The following OR2J2 variants were observed in gnomAD, a reference collection of about 807,000 sequenced individuals.
The protein encoded by OR2J2 is olfactory receptor family 2 subfamily J member 2.
A neutral mutation model predicts 16.9 loss-of-function variants in OR2J2; 13 were observed. The observed-to-expected ratio is 0.77, with a 90% CI of 0.50 to 1.23. OR2J2 has a LOEUF of 1.23. Ranked by LOEUF, OR2J2 falls within the 50% of genes most tolerant of loss-of-function variation. The probability of loss-of-function intolerance (pLI) is 0.00; values close to 1 mark genes in which losing one functional copy is unlikely to be tolerated. For synonymous variants in OR2J2, 125 were observed against 141.2 expected, an observed-to-expected ratio of 0.89 and a Z score of 0.81; for missense variants, 341 against 379.1, an observed-to-expected ratio of 0.90 and a Z score of 0.84.
In OR2J2 at chr6:29,174,054, G is replaced by C; in HGVS notation, c.419G>C (p.Arg140Pro). The change falls in exon 2 of 2, where the codon CGT (arginine) becomes CCT (proline). Residue 140 changes from arginine (R) to proline (P), a missense_variant. Transcript: ENST00000641417. ...PLHYTVLMHPRFCHLLVAASW... is the reference protein window; with the variant it reads ...PLHYTVLMHPPFCHLLVAASW... ...CATTACACTGTCCTCATGCACCCTCGTTTCTGCCACTTGTTGGTTGCGGCT... is the reference window on the plus strand; with the variant it reads ...CATTACACTGTCCTCATGCACCCTCCTTTCTGCCACTTGTTGGTTGCGGCT... The C allele has an allele frequency of 6.2e-7, 1 of 1,613,098 alleles. No individual in the cohort carries two copies. Among genetic ancestry groups the C allele is most frequent in the Non-Finnish European group, 8.5e-7 (1 of 1,179,800 alleles).
At chr6:29,171,135 T>C (rs1765462551) in intron 1 of OR2J2, 30 bp downstream of exon 1, 1 of 152,102 alleles carries the variant, frequency 6.6e-6, no homozygotes, top group South Asian at 2.1e-4. Context: ...GGTGCACTTC[T>C]TAAGGGGTAG....
At position 29,173,776 on chromosome 6, in the gene OR2J2, C is replaced by G. The variant is rs773776399; in HGVS notation, c.141C>G (p.Ile47Met). 1 of 1,613,712 alleles carries G rather than the reference C, an allele frequency of 6.2e-7. No individual in the cohort carries two copies. The highest frequency in any genetic ancestry group is 1.1e-5 in the South Asian group (1 of 91,058). Residue 47 changes from isoleucine (I) to methionine (M), a missense_variant, in exon 2 of 2, where the codon ATC (isoleucine) becomes ATG (methionine). Ile to Met is a conservative substitution (Grantham distance 10). Transcript: ENST00000641417. ...CACTGACAGGAAACCTGTTCATCAT[C>G]ATCCTGTCATACGTGGACTCCCATC... ...LMTLTGNLFIIILSYVDSHLH... is the reference protein window; with the variant it reads ...LMTLTGNLFIMILSYVDSHLH...
chr6:29,175,770 G>A lies in OR2J2; in HGVS notation c.*1196G>A, dbSNP rs1358561785. The A allele has an allele frequency of 6.6e-6, 1 of 151,962 alleles. No individual in the cohort carries two copies. The highest frequency in any genetic ancestry group is 6.6e-5 in the Admixed American group (1 of 15,214). 9.4% of individuals were successfully genotyped at this position (151,962 alleles called of 1,614,324 possible). ...ATCCGTATGTAAAATTATTGGGATTGCAATTGTTATGTTTTCTATAATCAC... is the reference window on the plus strand; with the variant it reads ...ATCCGTATGTAAAATTATTGGGATTACAATTGTTATGTTTTCTATAATCAC... On this transcript the variant is annotated 3_prime_UTR_variant, in exon 2 of 2. Transcript: ENST00000641417.
chr6:29,173,653 T>C lies in OR2J2; in HGVS notation c.18T>C (p.Asn6=), dbSNP rs1475256443. Residue 6 remains asparagine, a synonymous_variant, in exon 2 of 2, where the codon AAT becomes AAC. Coordinates refer to ENST00000641417, the MANE Select transcript of OR2J2 (RefSeq NM_030905.3). MMIKK[N]ASSEDFFILL... ...AAAGATGAATGATGATTAAAAAAAA[T>C]GCAAGTTCGGAAGACTTCTTTATTC... 6.2e-7 allele frequency: 1 copy of C among 1,600,162 alleles called. No homozygotes were observed. The highest frequency in any genetic ancestry group is 8.5e-7 in the Non-Finnish European group (1 of 1,175,112).
At chr6:29,171,435 T>G (rs1158814662) in intron 1 of OR2J2, among the ~76,000 whole-genome samples, 1 of 152,082 alleles carries the variant, frequency 6.6e-6, no homozygotes, top group East Asian at 1.9e-4. Context: ...AGCCATCCAT[T>G]TTCCCTATAG....
chr6:29,171,087 CA>C lies in OR2J2; in HGVS notation c.-35del, dbSNP rs1252389067. The C allele has an allele frequency of 6.6e-6, 1 of 152,056 alleles. No individual in the cohort carries two copies. Among genetic ancestry groups the C allele is most frequent in the African/African-American group, 2.4e-5 (1 of 41,414 alleles). 9.4% of individuals were successfully genotyped at this position (152,056 alleles called of 1,614,324 possible). A position where few individuals can be genotyped will look rare whatever the true frequency, so the allele number is the denominator to read the frequency against. ...AGGCCAGGTAGAGAGTGACAGGGAA[CA>C]GGGACAAACACAGGAAGGTCAGTAC... On this transcript the variant is annotated 5_prime_UTR_variant, in exon 1 of 2. An upstream open reading frame in the 5' UTR gains an earlier in-frame stop. Coordinates refer to ENST00000641417, the MANE Select transcript of OR2J2 (RefSeq NM_030905.3).
At chr6:29,172,223 A>G (rs1765536316) in intron 1 of OR2J2, among the ~76,000 whole-genome samples, 1 of 151,844 alleles carries the variant, frequency 6.6e-6, no homozygotes, top group Non-Finnish European at 1.5e-5. Flanking sequence ...TGCCTGGCTA[A>G]TTTTTGTATT....
intron 1 of OR2J2, among the ~76,000 whole-genome samples, chr6:29,173,094 TTTTA>T (rs2151018911): frequency 6.6e-6 from 1 of 152,246 alleles, no homozygotes; most frequent in African/African-American, 2.4e-5. Context: ...TTGTGCATTA[TTTTA>T]TTTGTCTAGA....
At position 29,175,127 on chromosome 6, in the gene OR2J2, TA is replaced by T. The variant is rs1765775874; in HGVS notation, c.*554del. On this transcript the variant is annotated 3_prime_UTR_variant, in exon 2 of 2. Coordinates refer to ENST00000641417, the MANE Select transcript of OR2J2 (RefSeq NM_030905.3). ...TTTAAAGACACTAAATTATCTAATT[TA>T]TCCTGTAGGTCTACATACTTGTCAC... 6.6e-6 allele frequency: 1 copy of T among 152,376 alleles called. No individual in the cohort carries two copies. The highest frequency in any genetic ancestry group is 2.4e-5 in the African/African-American group (1 of 41,464). 9.4% of individuals were successfully genotyped at this position (152,376 alleles called of 1,614,324 possible).
chr6:29,172,395 G>A (rs1204964538), intron 1 of OR2J2, among the ~76,000 whole-genome samples: 4 of 152,098 alleles, frequency 2.6e-5, no homozygotes, highest in Non-Finnish European at 1.5e-5. Flanking sequence ...AAGAGGAAGA[G>A]TTGGCTGTGG....
rs533534934 is a variant in OR2J2 at position 29,174,137 on chromosome 6, C to T, written c.502C>T (p.Pro168Ser). Residue 168 changes from proline (P) to serine (S), a missense_variant, in exon 2 of 2, where the codon CCC (proline) becomes TCC (serine). Physicochemically the swap from Pro to Ser is moderately conservative, Grantham distance 74. Transcript: ENST00000641417. ...TCATTCCTCCTTTACTTTCTGGGTA[C>T]CCCTTTGTGGACATCGCCTAGTGGA... ...ALHSSFTFWV[P>S]LCGHRLVDHF... 5.6e-6 allele frequency: 9 copies of T among 1,613,692 alleles called. No homozygotes were observed. The East Asian group carries it at 1.3e-4, about 24-fold the overall frequency.
chr6:29,174,231 C>G lies in OR2J2; in HGVS notation c.596C>G (p.Thr199Ser). The G allele has an allele frequency of 6.2e-7, 1 of 1,613,766 alleles. No individual in the cohort carries two copies. The highest frequency in any genetic ancestry group is 8.5e-7 in the Non-Finnish European group (1 of 1,179,886). ...SCVDTHANEL[T>S]LMVMSSIFVL... ...GTTGACACCCATGCAAATGAGCTGACCCTCATGGTCATGAGCTCCATTTTT... is the reference window on the plus strand; with the variant it reads ...GTTGACACCCATGCAAATGAGCTGAGCCTCATGGTCATGAGCTCCATTTTT... The change falls in exon 2 of 2, where the codon ACC becomes AGC. Residue 199 changes from threonine (T) to serine (S), a missense_variant. Transcript: ENST00000641417.
At chr6:29,171,628 T>A (rs1468287462) in intron 1 of OR2J2, among the ~76,000 whole-genome samples, 1 of 152,018 alleles carries the variant, frequency 6.6e-6, no homozygotes, top group Non-Finnish European at 1.5e-5. Flanking sequence ...TCCGGAGGAA[T>A]GCTGAAAGAT....
chr6:29,174,600 A>G lies in OR2J2; in HGVS notation c.*26A>G. ...CAGGGAAATCATGTTGTCTGTTGTC[A>G]TTGTTTTTCCTAGGGTCTTAGCCAT... On this transcript the variant is annotated 3_prime_UTR_variant, in exon 2 of 2. Transcript: ENST00000641417. 1 of 1,546,570 alleles carries G rather than the reference A, an allele frequency of 6.5e-7. No homozygotes were observed. Among genetic ancestry groups the G allele is most frequent in the Non-Finnish European group, 8.7e-7 (1 of 1,146,214 alleles).
At chr6:29,172,397 T>G (rs1260532710) in intron 1 of OR2J2, among the ~76,000 whole-genome samples, 1 of 152,100 alleles carries the variant, frequency 6.6e-6, no homozygotes, top group Non-Finnish European at 1.5e-5. Flanking sequence ...GAGGAAGAGT[T>G]GGCTGTGGCA....
rs769380137 is a variant in OR2J2 at position 29,174,267 on chromosome 6, C to G, written c.632C>G (p.Pro211Arg). The G allele has an allele frequency of 6.2e-7, 1 of 1,613,794 alleles. No individual in the cohort carries two copies. Among genetic ancestry groups the G allele is most frequent in the Non-Finnish European group, 8.5e-7 (1 of 1,179,940 alleles). ...ATGAGCTCCATTTTTGTTCTCATAC[C>G]TCTCATTCTCATTCTCACTACCTAT... The part of the protein sequence containing the change: ...MVMSSIFVLI[P>R]LILILTTYGA... Residue 211 changes from proline (P) to arginine (R), a missense_variant, in exon 2 of 2, where the codon CCT becomes CGT. Physicochemically the swap from Pro to Arg is moderately radical, Grantham distance 103. Transcript: ENST00000641417.
chr6:29,172,348 A>G (rs1765545421), intron 1 of OR2J2, among the ~76,000 whole-genome samples: 1 of 152,102 alleles, frequency 6.6e-6, no homozygotes, highest in African/African-American at 2.4e-5. Flanking sequence ...ATGAGCCACC[A>G]CGCCTGGCCT....
Position 29,174,157 on chromosome 6 carries a change from A to G in OR2J2, c.522A>G (p.Leu174=), listed in dbSNP as rs374899601. The change falls in exon 2 of 2, where the codon CTA becomes CTG. Residue 174 remains leucine, a synonymous_variant. Transcript: ENST00000641417. ...TFWVPLCGHR[L]VDHFFCEVPA... The stretch of plus-strand genomic sequence containing the variant: ...GGGTACCCCTTTGTGGACATCGCCT[A>G]GTGGATCACTTCTTCTGTGAAGTTC... 1.1e-4 allele frequency: 175 copies of G among 1,613,682 alleles called. No individual in the cohort carries two copies. In the African/African-American group the frequency reaches 2.2e-3, roughly 20 times the overall value.
rs1765735858 is a variant in OR2J2, at chr6:29,174,666, G to T, written c.*92G>T. 5.0e-6 allele frequency: 5 copies of T among 993,838 alleles called. No homozygotes were observed. Among genetic ancestry groups the T allele is most frequent in the Admixed American group, 5.6e-5 (2 of 35,892 alleles). The allele number at this position is 993,838 out of a possible 1,614,324, so 61.6% of individuals were successfully genotyped here. On this transcript the variant is annotated 3_prime_UTR_variant, in exon 2 of 2. Transcript: ENST00000641417. ...CCCTGCTTCTTTGTGATTTATTTTT[G>T]TTCTAACAGCTCACAAAACAGAATA...
Sources: allele counts gnomAD v4.1 joint callset (sites outside exome capture counted in the v4.1 genomes callset), GRCh38; gene constraint gnomAD v4.1.1; transcripts MANE v1.5; gene names NCBI Gene and HGNC (gene_info 2026-07-23, HGNC 2026-07-21).